DENND1A: variants seen among roughly 807,000 people sequenced by gnomAD.
DENND1A encodes DENN domain containing 1A.
Under a neutral mutation model 113.7 loss-of-function variants are expected in DENND1A, and 51 were observed. That is an observed-to-expected ratio of 0.45 (90% CI 0.36 to 0.57). The LOEUF is 0.57. Ranked by LOEUF, DENND1A falls within the 20% of genes least tolerant of loss-of-function variation. The pLI is 0.00. For missense variants in DENND1A, 1,258 were observed against 1,395.9 expected, an observed-to-expected ratio of 0.90 and a Z score of 1.57; for synonymous variants, 565 against 570.8, an observed-to-expected ratio of 0.99 and a Z score of 0.14.
rs547489147 is a variant in DENND1A at position 123,920,423 on chromosome 9, C to G, written c.17+9466G>C. ...CAGCCTGGGCGACAAGAGCAAGGCT[C>G]TGTCACACACACACAAAAAAAACAC... On this transcript the variant is annotated intron_variant, in intron 1 of 23. Coordinates refer to ENST00000394215, the MANE Select transcript of DENND1A (RefSeq NM_001352964.2). Among the ~76,000 whole-genome samples, 7 of 152,274 alleles carry G rather than the reference C, an allele frequency of 4.6e-5. No homozygotes were observed. The East Asian group carries it at 9.6e-4, about 21-fold the overall frequency.
At chr9:123,901,244 A>G (rs558019312) in intron 1 of DENND1A, among the ~76,000 whole-genome samples, 1 of 152,350 alleles carries the variant, frequency 6.6e-6, no homozygotes, top group African/African-American at 2.4e-5. Flanking sequence ...AATTACAGCC[A>G]TTAAGGTAGG....
At chr9:123,638,839 G>C (rs2061856000) in intron 9 of DENND1A, among the ~76,000 whole-genome samples, 1 of 151,604 alleles carries the variant, frequency 6.6e-6, no homozygotes, top group African/African-American at 2.4e-5. Flanking sequence ...TAGTCTAAGT[G>C]GATATTTCTA....
chr9:123,806,741 T>A (rs1187039772), intron 2 of DENND1A, among the ~76,000 whole-genome samples: 1 of 152,210 alleles, frequency 6.6e-6, no homozygotes, highest in Non-Finnish European at 1.5e-5. Flanking sequence ...GATCTTCGCT[T>A]ATTTTGTTCA....
chr9:123,745,394 T>G (rs2069403584), intron 5 of DENND1A, among the ~76,000 whole-genome samples: 1 of 152,180 alleles, frequency 6.6e-6, no homozygotes, highest in African/African-American at 2.4e-5. Context: ...TTGAGAAAAG[T>G]GAAGTGTATG....
chr9:123,409,113 C>G (rs1398641608), intron 20 of DENND1A, among the ~76,000 whole-genome samples: 1 of 152,138 alleles, frequency 6.6e-6, no homozygotes, highest in African/African-American at 2.4e-5. Flanking sequence ...TCTGCCTGCT[C>G]TGGGCTGGAC....
At chr9:123,558,047 G>T (rs2057528151) in intron 12 of DENND1A, among the ~76,000 whole-genome samples, 1 of 151,770 alleles carries the variant, frequency 6.6e-6, no homozygotes, top group African/African-American at 2.4e-5. Flanking sequence ...AATGAATGTT[G>T]TTCCTATTAG....
At chr9:123,738,546 C>T (rs2068749775) in intron 5 of DENND1A, among the ~76,000 whole-genome samples, 1 of 150,820 alleles carries the variant, frequency 6.6e-6, no homozygotes, top group Admixed American at 6.6e-5. Context: ...CATCTACATA[C>T]TTTTCTCTTC....
intron 1 of DENND1A, among the ~76,000 whole-genome samples, chr9:123,896,330 CAAA>C (rs536760482): frequency 1.4e-5 from 2 of 143,482 alleles, no homozygotes; most frequent in African/African-American, 4.9e-5. Context: ...AACAAACAAA[CAAA>C]AAAAAAAAAC....
At chr9:123,469,497 A>T (rs564871009) in intron 13 of DENND1A, among the ~76,000 whole-genome samples, 1 of 152,386 alleles carries the variant, frequency 6.6e-6, no homozygotes, top group East Asian at 1.9e-4. Flanking sequence ...CCTCTGTGCC[A>T]GCAGCCCCTT....
At position 123,685,952 on chromosome 9, in the gene DENND1A, C is replaced by A. The variant is rs183271848; in HGVS notation, c.303-9163G>T. Among the ~76,000 whole-genome samples the A allele has an allele frequency of 2.6e-5, 4 of 151,880 alleles. No homozygotes were observed. In the East Asian group the frequency reaches 7.7e-4, roughly 29 times the overall value. ...TTAGTGAGGTTCTAACTAAGGCCCA[C>A]CCTACTGGAGCTTTCATAGCCTAGG... On this transcript the variant is annotated intron_variant, in intron 5 of 23. Transcript: ENST00000394215.
At chr9:123,892,250 G>A (rs1850024967) in intron 1 of DENND1A, among the ~76,000 whole-genome samples, 2 of 152,162 alleles carry the variant, frequency 1.3e-5, no homozygotes, top group Non-Finnish European at 2.9e-5. Flanking sequence ...AGCCGAAGTG[G>A]AAAACTCATG....
intron 10 of DENND1A, among the ~76,000 whole-genome samples, chr9:123,629,720 C>T (rs969065759): frequency 1.3e-5 from 2 of 152,160 alleles, no homozygotes; most frequent in Non-Finnish European, 2.9e-5. Flanking sequence ...CAAAGAACTT[C>T]AGACAGTTTA....
At chr9:123,454,899 G>C in intron 15 of DENND1A, 120 bp from the exon 16 acceptor site, 1 of 865,652 alleles carries the variant, frequency 1.2e-6, no homozygotes, top group Non-Finnish European at 1.8e-6. Context: ...CCAGACTGGA[G>C]TGCAGTGGTG....
chr9:123,749,945 A>G (rs984304686), intron 5 of DENND1A, among the ~76,000 whole-genome samples: 1 of 152,200 alleles, frequency 6.6e-6, no homozygotes, highest in Admixed American at 6.5e-5. Flanking sequence ...TTTTAGCCAA[A>G]GTCTTAGAGT....
At chr9:123,543,032 T>C (rs1409930413) in intron 13 of DENND1A, among the ~76,000 whole-genome samples, 5 of 152,238 alleles carry the variant, frequency 3.3e-5, no homozygotes, top group East Asian at 1.9e-4. Flanking sequence ...GAAAGCCGAA[T>C]GGCGGCTCAG....
Position 123,382,613 on chromosome 9 carries a change from C to A in DENND1A, c.2032G>T (p.Gly678Cys). 6.2e-7 allele frequency: 1 copy of A among 1,613,942 alleles called. No individual in the cohort carries two copies. The highest frequency in any genetic ancestry group is 8.5e-7 in the Non-Finnish European group (1 of 1,179,970). Residue 678 changes from glycine to cysteine, a missense_variant, in exon 24 of 24, where the codon GGC (glycine) becomes TGC (cysteine). Physicochemically the swap from Gly to Cys is radical, Grantham distance 159. Transcript: ENST00000394215. ...ACCCCGCGGCTCCTCTCACTCCCGC[C>A]CAGATCCAGCCTCTGTTGGGAGGGA... ...GTFDYQRLDL[G>C]GSERSRGVTV...
At chr9:123,902,681 A>AT (rs1425737379) in intron 1 of DENND1A, among the ~76,000 whole-genome samples, 1 of 152,176 alleles carries the variant, frequency 6.6e-6, no homozygotes, top group African/African-American at 2.4e-5. Flanking sequence ...TCTGAAAAAG[A>AT]TTAAGAAATA....
At chr9:123,767,002 C>T (rs919958370) in intron 4 of DENND1A, among the ~76,000 whole-genome samples, 23 of 152,052 alleles carry the variant, frequency 1.5e-4, no homozygotes, top group African/African-American at 5.6e-4. Flanking sequence ...TTTTTGAACG[C>T]AATCACCTGG....
chr9:123,406,068 G>T (rs150590953), intron 20 of DENND1A, among the ~76,000 whole-genome samples: 1 of 152,084 alleles, frequency 6.6e-6, no homozygotes, highest in African/African-American at 2.4e-5. Flanking sequence ...CCTGAACATC[G>T]TACCCCCCAC....
Sources: allele counts gnomAD v4.1 joint callset (sites outside exome capture counted in the v4.1 genomes callset), GRCh38; gene constraint gnomAD v4.1.1; transcripts MANE v1.5; gene names NCBI Gene and HGNC (gene_info 2026-07-23, HGNC 2026-07-21).